ABCC4: variants seen among roughly 807,000 people sequenced by gnomAD.
The protein encoded by ABCC4 is ATP binding cassette subfamily C member 4 (PEL blood group), also known as ATP-binding cassette sub-family C member 4.
A neutral mutation model predicts 168.5 loss-of-function variants in ABCC4; 102 were observed. That is an observed-to-expected ratio of 0.61 (90% confidence interval 0.52 to 0.71). The LOEUF is 0.71. Among genes scored for constraint, ABCC4 ranks in the 30% least tolerant of loss-of-function variants. The pLI, the probability that ABCC4 is intolerant of heterozygous loss-of-function variation, is 0.00. For missense variants in ABCC4, 1,402 were observed against 1,605.8 expected (o/e 0.87, Z 2.17); for synonymous variants, 617 against 590.7 (o/e 1.04, Z -0.65).
intron 11 of ABCC4, among the ~76,000 whole-genome samples, chr13:95,178,861 G>A (rs1223752077): frequency 1.3e-5 from 2 of 152,192 alleles, no homozygotes; most frequent in Non-Finnish European, 2.9e-5. Flanking sequence ...AACATCAGTG[G>A]TCATGTGCTG....
intron 3 of ABCC4, among the ~76,000 whole-genome samples, chr13:95,241,717 A>G (rs2039948859): frequency 6.6e-6 from 1 of 151,358 alleles, no homozygotes; most frequent in South Asian, 2.1e-4. Flanking sequence ...CATTATAATC[A>G]TTCCTCAACT....
At chr13:95,235,514 C>G (rs1442207851) in intron 3 of ABCC4, among the ~76,000 whole-genome samples, 1 of 152,208 alleles carries the variant, frequency 6.6e-6, no homozygotes. Flanking sequence ...CCCACTTCCT[C>G]TGTACCCTTG....
chr13:95,279,010 C>A (rs1033087447), intron 1 of ABCC4, among the ~76,000 whole-genome samples: 1 of 151,364 alleles, frequency 6.6e-6, no homozygotes, highest in Admixed American at 6.6e-5. Flanking sequence ...CACAAAAAAA[C>A]GTGATCTAAT....
chr13:95,298,556 A>G (rs4551899), intron 1 of ABCC4, among the ~76,000 whole-genome samples: 8,789 of 152,212 alleles, frequency 0.058, 446 homozygotes, highest in African/African-American at 0.14. Context: ...TCTGAGTGCT[A>G]TGCTTTGAGA....
At chr13:95,188,957 C>G (rs933071707) in intron 9 of ABCC4, among the ~76,000 whole-genome samples, 1 of 151,902 alleles carries the variant, frequency 6.6e-6, no homozygotes, top group Non-Finnish European at 1.5e-5. Context: ...ATACATGTGC[C>G]ATGGTGGTTT....
intron 22 of ABCC4, among the ~76,000 whole-genome samples, chr13:95,074,842 A>G (rs1195956519): frequency 6.6e-6 from 1 of 152,070 alleles, no homozygotes; most frequent in Non-Finnish European, 1.5e-5. Context: ...TTTTCCTTTT[A>G]GCATGTGGTT....
Position 95,166,258 on chromosome 13 carries a change from C to T in ABCC4, c.1934G>A (p.Gly645Glu), listed in dbSNP as rs868140829. Reference protein sequence around the residue: ...NEESEQPPVPGTPTLRNRTFS... With the variant: ...NEESEQPPVPETPTLRNRTFS... ...GGTACGATTCCTTAGTGTGGGAGTTCCTGGAACTGGAGGTTGTTCACTTTC... is the reference window on the plus strand; with the variant it reads ...GGTACGATTCCTTAGTGTGGGAGTTTCTGGAACTGGAGGTTGTTCACTTTC... The change falls in exon 15 of 31, where the codon GGA becomes GAA. Residue 645 changes from glycine to glutamate, a missense_variant. Gly to Glu is a moderately conservative substitution (Grantham distance 98). This residue lies in a region of ABCC4 where 1,007 missense variants were observed against 1,127.3 expected (regional missense o/e 0.89). Transcript: ENST00000645237. 4 of 1,614,078 alleles carry T rather than the reference C, an allele frequency of 2.5e-6. No homozygotes were observed. The African/African-American group carries it at 4.0e-5, about 16-fold the overall frequency.
At chr13:95,088,986 C>A (rs2034344028) in intron 20 of ABCC4, among the ~76,000 whole-genome samples, 1 of 151,794 alleles carries the variant, frequency 6.6e-6, no homozygotes, top group Non-Finnish European at 1.5e-5. Context: ...GGAAAATTAT[C>A]ATTATCATGA....
intron 4 of ABCC4, among the ~76,000 whole-genome samples, chr13:95,217,274 C>T (rs1424903591): frequency 1.3e-5 from 2 of 152,034 alleles, no homozygotes; most frequent in Admixed American, 6.6e-5. Context: ...ATCAGTGTGG[C>T]CACATAAATA....
chr13:95,055,538 T>C (rs535984092), intron 26 of ABCC4: 1 of 152,344 alleles, frequency 6.6e-6, no homozygotes, highest in South Asian at 2.1e-4. Context: ...CTTTGCGCCA[T>C]ACTGAGTAGT....
chr13:95,297,285 G>T (rs1333429444), intron 1 of ABCC4, among the ~76,000 whole-genome samples: 1 of 146,196 alleles, frequency 6.8e-6, no homozygotes, highest in African/African-American at 2.5e-5. Flanking sequence ...AAAAAAGAAA[G>T]AAAAAAGAAA....
At chr13:95,083,514 TTTTTTTTTCCTTTTTC>T (rs1383195020) in intron 20 of ABCC4, among the ~76,000 whole-genome samples, 1 of 149,892 alleles carries the variant, frequency 6.7e-6, no homozygotes, top group Non-Finnish European at 1.5e-5. Flanking sequence ...ATCCATTAGG[TTTTTTTTTCCTTTTTC>T]TTTTTTTTTT....
At chr13:95,057,473 C>A (rs928622780) in intron 26 of ABCC4, among the ~76,000 whole-genome samples, 2 of 152,104 alleles carry the variant, frequency 1.3e-5, no homozygotes, top group Non-Finnish European at 2.9e-5. Context: ...CTCTTGACCT[C>A]GTGATCCACC....
At chr13:95,205,332 T>A (rs1432743518) in intron 8 of ABCC4, among the ~76,000 whole-genome samples, 1 of 152,046 alleles carries the variant, frequency 6.6e-6, no homozygotes, top group African/African-American at 2.4e-5. Context: ...ACCCACCCCA[T>A]TCTCTCCCCT....
rs751597456 is a variant in ABCC4, at chr13:95,207,884, A to G, written c.827T>C (p.Met276Thr). 7 of 1,613,840 alleles carry G rather than the reference A, an allele frequency of 4.3e-6. No homozygotes were observed. Among genetic ancestry groups the G allele is most frequent in the Admixed American group, 1.7e-5 (1 of 59,884 alleles). The change falls in exon 7 of 31, where the codon ATG (methionine) becomes ACG (threonine). Residue 276 changes from methionine (M) to threonine (T), a missense_variant. This residue lies in a region of ABCC4 where 317 missense variants were observed against 345.5 expected (regional missense o/e 0.92). Coordinates refer to ENST00000645237, the MANE Select transcript of ABCC4 (RefSeq NM_005845.5). ...CCTTATACCAGTTATAACTTCATTC[A>G]TGGTCCTGATCCTGGCATCCGTGAA... The part of the protein sequence containing the change: ...ATFTDARIRT[M>T]NEVITGIRII...
At chr13:95,296,135 A>AACACACAC (rs753316849) in intron 1 of ABCC4, among the ~76,000 whole-genome samples, 36 of 98,956 alleles carry the variant, frequency 3.6e-4, no homozygotes, top group African/African-American at 1.4e-3. Context: ...CCTGTCTCAA[A>AACACACAC]ACACACACAC....
chr13:95,175,509 C>T (rs1173501137), intron 13 of ABCC4, among the ~76,000 whole-genome samples: 3 of 152,128 alleles, frequency 2.0e-5, no homozygotes, highest in Non-Finnish European at 2.9e-5. Context: ...GATGGGGTTT[C>T]ACAACGTTGG....
chr13:95,201,695 G>C (rs548228114), intron 8 of ABCC4, among the ~76,000 whole-genome samples: 1 of 152,134 alleles, frequency 6.6e-6, no homozygotes. Flanking sequence ...GTGATGGGCC[G>C]GGTGCGGTGG....
chr13:95,151,641 GAGA>G (rs1004412816), intron 19 of ABCC4, among the ~76,000 whole-genome samples: 4 of 151,300 alleles, frequency 2.6e-5, no homozygotes, highest in Admixed American at 6.6e-5. Flanking sequence ...GGAGGAGAAG[GAGA>G]AGAAGGAGAA....
Sources: allele counts gnomAD v4.1 joint callset (sites outside exome capture counted in the v4.1 genomes callset), GRCh38; gene constraint gnomAD v4.1.1; regional missense constraint gnomAD v4.1.1; transcripts MANE v1.5; gene names NCBI Gene and HGNC (gene_info 2026-07-23, HGNC 2026-07-21).